The following POLA2 variants were observed in gnomAD, a reference collection of about 807,000 sequenced individuals.
POLA2 encodes DNA polymerase alpha 2, accessory subunit, also known as DNA polymerase alpha subunit B.
POLA2 carries 47 observed loss-of-function variants against 82.8 expected under a neutral mutation model. The observed-to-expected ratio is 0.57, with a 90% confidence interval of 0.45 to 0.72. POLA2 has a LOEUF of 0.72. POLA2 is among the 30% of genes least tolerant of loss of function. The pLI, the probability that POLA2 is intolerant of heterozygous loss-of-function variation, is 0.00. For synonymous variants in POLA2, 287 were observed against 286.8 expected (o/e 1.00, Z -0.01); for missense variants, 634 against 728.1 (o/e 0.87, Z 1.49).
At chr11:65,305,322 G>A (rs959632537) in intron 8 of POLA2, 1 of 454,838 alleles carries the variant, frequency 2.2e-6, no homozygotes, top group African/African-American at 2.0e-5. Flanking sequence ...CTCACGCATC[G>A]TAAGAGAAAC....
Position 65,267,480 on chromosome 11 carries a change from C to G in POLA2, c.208C>G (p.Leu70Val), listed in dbSNP as rs767152818. 1.2e-6 allele frequency: 2 copies of G among 1,602,452 alleles called. No homozygotes were observed. The highest frequency in any genetic ancestry group is 1.7e-6 in the Non-Finnish European group (2 of 1,173,108). Residue 70 changes from leucine to valine, a missense_variant, in exon 3 of 18, where the codon CTG becomes GTG. Coordinates refer to ENST00000265465, the MANE Select transcript of POLA2 (RefSeq NM_002689.4). Reference protein sequence around the residue: ...EILNSFEHEFLSKRLSKARHS... With the variant: ...EILNSFEHEFVSKRLSKARHS... ...TTCACTATCTTTTCTTTTTCAGTTT[C>G]TGAGCAAAAGATTATCGAAAGCCAG...
chr11:65,265,424 G>A (rs967183280), intron 1 of POLA2, among the ~76,000 whole-genome samples: 2 of 152,202 alleles, frequency 1.3e-5, no homozygotes, highest in Middle Eastern at 3.4e-3. Context: ...GACACTGTTT[G>A]TCATTTTTTC....
chr11:65,274,380 A>G (rs1017575083), intron 4 of POLA2, among the ~76,000 whole-genome samples: 17 of 151,486 alleles, frequency 1.1e-4, no homozygotes, highest in Middle Eastern at 3.4e-3. Context: ...TCGGAAAAAA[A>G]AAAAGGGAAA....
chr11:65,287,996 C>A (rs1197574284), intron 11 of POLA2, among the ~76,000 whole-genome samples, 156 bp downstream of exon 11: 1 of 152,082 alleles, frequency 6.6e-6, no homozygotes, highest in Non-Finnish European at 1.5e-5. Context: ...TATCTATGGG[C>A]CTTTGCTAGA....
Position 65,281,001 on chromosome 11 carries a change from A to T in POLA2, c.754A>T (p.Thr252Ser). 1 of 1,613,496 alleles carries T rather than the reference A, an allele frequency of 6.2e-7. No homozygotes were observed. The highest frequency in any genetic ancestry group is 8.5e-7 in the Non-Finnish European group (1 of 1,179,906). ...GACCTTCCTTTGGTAGGAGCCTGTCACTCTGCTGGGCCAGATTGGCTGTGA... is the reference window on the plus strand; with the variant it reads ...GACCTTCCTTTGGTAGGAGCCTGTCTCTCTGCTGGGCCAGATTGGCTGTGA... ...PLLAPAQEPV[T>S]LLGQIGCDSN... Residue 252 changes from threonine (T) to serine (S), a missense_variant, in exon 8 of 18, where the codon ACT becomes TCT. By Grantham distance (58) the Thr-to-Ser change is moderately conservative. Transcript: ENST00000265465.
chr11:65,281,183 A>G, intron 8 of POLA2, 36 bp downstream of exon 8: 1 of 1,605,520 alleles, frequency 6.2e-7, no homozygotes, highest in East Asian at 2.2e-5. Context: ...ATGCAGGCGC[A>G]CTCTTTACCC....
chr11:65,297,052 T>A, intron 17 of POLA2, 68 bp from the exon 18 acceptor site: 1 of 1,565,582 alleles, frequency 6.4e-7, no homozygotes, highest in South Asian at 1.1e-5. Context: ...GTGATGGCAC[T>A]TCTTTTTCAC....
chr11:65,278,888 A>G lies in POLA2; in HGVS notation c.620A>G (p.Lys207Arg). The G allele has an allele frequency of 6.2e-7, 1 of 1,613,620 alleles. No homozygotes were observed. The highest frequency in any genetic ancestry group is 8.5e-7 in the Non-Finnish European group (1 of 1,179,978). ...CCAGAGGCACTAACTGGGAGCTACA[A>G]ATCCATGTTTCAGAAGCTCCCAGAC... ...GCPEALTGSY[K>R]SMFQKLPDIR... is the part of the protein sequence containing the mutation. The change falls in exon 6 of 18, where the codon AAA becomes AGA. Residue 207 changes from lysine to arginine, a missense_variant. Coordinates refer to ENST00000265465, the MANE Select transcript of POLA2 (RefSeq NM_002689.4).
intron 4 of POLA2, among the ~76,000 whole-genome samples, chr11:65,269,846 T>C (rs1949503801): frequency 6.6e-6 from 1 of 152,164 alleles, no homozygotes; most frequent in South Asian, 2.1e-4. Flanking sequence ...TTGTTGTTGT[T>C]GTTTTGAGAT....
intron 4 of POLA2, among the ~76,000 whole-genome samples, chr11:65,269,103 C>T (rs1387193703): frequency 6.6e-6 from 1 of 152,144 alleles, no homozygotes; most frequent in Non-Finnish European, 1.5e-5. Context: ...AGTCAGAAGA[C>T]CTAGGTGACC....
At chr11:65,267,442 A>G (rs1949473088) in intron 2 of POLA2, 35 bp from the exon 3 acceptor site, 2 of 1,315,184 alleles carry the variant, frequency 1.5e-6, no homozygotes, top group Admixed American at 1.9e-5. Context: ...TTACTTGACT[A>G]TGAAGTACTG....
chr11:65,288,340 T>C (rs867135615), intron 11 of POLA2, among the ~76,000 whole-genome samples: 1 of 152,006 alleles, frequency 6.6e-6, no homozygotes, highest in African/African-American at 2.4e-5. Context: ...ACTTTTTTTT[T>C]CCACCCTTCG....
At chr11:65,291,829 AG>A (rs1949758553) in intron 13 of POLA2, among the ~76,000 whole-genome samples, 1 of 152,248 alleles carries the variant, frequency 6.6e-6, no homozygotes, top group Admixed American at 6.5e-5. Flanking sequence ...GCCACAGGGC[AG>A]GGGGAGCTGC....
At chr11:65,281,812 T>C in intron 9 of POLA2, 80 bp downstream of exon 9, 1 of 1,144,480 alleles carries the variant, frequency 8.7e-7, no homozygotes, top group Non-Finnish European at 1.3e-6. Flanking sequence ...TAGAAACTGG[T>C]CCTTTTTAGG....
intron 10 of POLA2, among the ~76,000 whole-genome samples, chr11:65,285,130 GC>G (rs1949682574): frequency 6.6e-6 from 1 of 151,976 alleles, no homozygotes; most frequent in African/African-American, 2.4e-5. Flanking sequence ...ATTAGGCCAG[GC>G]GCAGTGGTTC....
At chr11:65,305,934 A>G (rs187563651), downstream of POLA2, among the ~76,000 whole-genome samples, 9 of 152,108 alleles carry the variant, frequency 5.9e-5, no homozygotes, top group East Asian at 1.7e-3. Context: ...ATGAGGACAC[A>G]CTCTATGTAT....
At chr11:65,300,332 A>G (rs11824827), downstream of POLA2, among the ~76,000 whole-genome samples, 4,825 of 151,668 alleles carry the variant, frequency 0.032, 241 homozygotes, top group African/African-American at 0.11. Flanking sequence ...AGTAGCTGGG[A>G]TTACAGGTGC....
intron 4 of POLA2, 25 bp from the exon 5 acceptor site, chr11:65,275,867 T>G: frequency 7.2e-7 from 1 of 1,395,032 alleles, no homozygotes; most frequent in Non-Finnish European, 1.0e-6. Context: ...AGGACTGAGA[T>G]TTTGTTTTCC....
At chr11:65,300,646 G>A (rs1020964700), downstream of POLA2, among the ~76,000 whole-genome samples, 18 of 151,264 alleles carry the variant, frequency 1.2e-4, no homozygotes, top group Admixed American at 5.9e-4. Flanking sequence ...GCAGTGGCAC[G>A]ATCTCTGCTC....
Sources: gnomAD v4.1 joint callset for allele counts (sites outside exome capture counted in the v4.1 genomes callset) on GRCh38, gnomAD v4.1.1 for gene constraint, MANE v1.5 for transcripts, NCBI Gene and HGNC (gene_info 2026-07-23, HGNC 2026-07-21) for gene names.